MRE11: variants seen among roughly 807,000 people sequenced by gnomAD.
The protein encoded by MRE11 is double-strand break repair protein MRE11.
In MRE11, 62 loss-of-function variants were observed where a neutral mutation model predicts 91.7. The ratio of observed to expected loss-of-function variants is 0.68; its 90% CI spans 0.55 to 0.84. The LOEUF is 0.84. Ranked by LOEUF, MRE11 falls within the 40% of genes least tolerant of loss-of-function variation. The pLI, the probability that MRE11 is intolerant of heterozygous loss-of-function variation, is 0.00. For synonymous variants in MRE11, 273 were observed against 271.4 expected (o/e 1.01, Z -0.06); for missense variants, 796 against 852.9 (o/e 0.93, Z 0.83).
chr11:94,460,010 C>T (rs1946373897), intron 12 of MRE11, among the ~76,000 whole-genome samples: 1 of 152,028 alleles, frequency 6.6e-6, no homozygotes, highest in African/African-American at 2.4e-5. Flanking sequence ...CATAAGGGTC[C>T]TGAAAAGCAC....
rs1946361403 is a variant in MRE11, at chr11:94,459,571, A to G, written c.1337T>C (p.Leu446Pro). ...YFQTAEKNVQ[L>P]SLLTERGMGE... ...CATCCCTCTTTCTGTTAGCAGTGAG[A>G]GCTGCACATTCTGTAAGATACAAAT... Residue 446 changes from leucine (L) to proline (P), a missense_variant, in exon 13 of 20, where the codon CTC becomes CCC. Physicochemically the swap from Leu to Pro is moderately conservative, Grantham distance 98. Coordinates refer to ENST00000323929, the MANE Select transcript of MRE11 (RefSeq NM_005591.4). 1 of 1,613,896 alleles carries G rather than the reference A, an allele frequency of 6.2e-7. No homozygotes were observed. The highest frequency in any genetic ancestry group is 2.2e-5 in the East Asian group (1 of 44,864).
chr11:94,492,064 G>A lies in MRE11; in HGVS notation c.20+718C>T, dbSNP rs2135145894. Among the ~76,000 whole-genome samples the A allele has an allele frequency of 1.3e-5, 2 of 152,244 alleles. 1 individual carries two copies. The highest frequency in any genetic ancestry group is 4.1e-4 in the South Asian group (2 of 4,820). Reference sequence around the variant, plus strand: ...TCAGAGAACTGCTGACTTGCCCAAGGTCACACAGCTAGTAGGGTCCAAGGA... The same window carrying A: ...TCAGAGAACTGCTGACTTGCCCAAGATCACACAGCTAGTAGGGTCCAAGGA... On this transcript the variant is annotated intron_variant, in intron 2 of 19. Coordinates refer to ENST00000323929, the MANE Select transcript of MRE11 (RefSeq NM_005591.4).
chr11:94,498,727 T>C (rs895355951), upstream of MRE11: 3 of 585,314 alleles, frequency 5.1e-6, no homozygotes, highest in Non-Finnish European at 8.9e-6. Context: ...CTTTAATTAT[T>C]TCTGTGGAGT....
At chr11:94,508,252 A>G in the MRE11 span, among the ~76,000 whole-genome samples, 15 of 152,170 alleles carry the variant, frequency 9.9e-5, no homozygotes, top group African/African-American at 3.6e-4. Context: ...TGGCCTGAGA[A>G]TATCTTAATT....
intron 19 of MRE11, among the ~76,000 whole-genome samples, chr11:94,429,639 G>A (rs1945409820): frequency 6.6e-6 from 1 of 152,164 alleles, no homozygotes; most frequent in Admixed American, 6.5e-5. Context: ...ATGAAGATGG[G>A]AACAACAGAC....
rs774205506 is a variant in MRE11 at position 94,420,113 on chromosome 11, C to A, written c.*12G>T. On this transcript the variant is annotated 3_prime_UTR_variant, in exon 20 of 20. Transcript: ENST00000323929. ...CCTGTATCTTGCATGTTTCTCAGTG[C>A]CATTAAATATATTATCTTCTATTTC... 1 of 1,547,680 alleles carries A rather than the reference C, an allele frequency of 6.5e-7. No individual in the cohort carries two copies. Among genetic ancestry groups the A allele is most frequent in the Non-Finnish European group, 8.9e-7 (1 of 1,124,494 alleles).
chr11:94,452,180 G>A (rs1453332398), intron 14 of MRE11, among the ~76,000 whole-genome samples: 2 of 138,010 alleles, frequency 1.4e-5, no homozygotes, highest in African/African-American at 2.7e-5. Flanking sequence ...CTGGGTGACA[G>A]AGTGAGACTT....
chr11:94,493,479 C>A (rs1947348856), intron 1 of MRE11: 1 of 152,282 alleles, frequency 6.6e-6, no homozygotes. Flanking sequence ...CGCGAGACAA[C>A]CCCCACCACA....
rs1214572903 is a variant in MRE11, at chr11:94,417,636, AAGG to A, written c.*2486_*2488del. ...CAGAAGTTAGGGCTTGTTACCCAGA[AAGG>A]AGAAAACAATATAATGGGCATCCAG... On this transcript the variant is annotated 3_prime_UTR_variant, in exon 20 of 20. Coordinates refer to ENST00000323929, the MANE Select transcript of MRE11 (RefSeq NM_005591.4). 8.6e-6 allele frequency: 2 copies of A among 232,968 alleles called. No individual in the cohort carries two copies. Among genetic ancestry groups the A allele is most frequent in the African/African-American group, 4.4e-5 (2 of 45,354 alleles). 14.4% of individuals were successfully genotyped at this position (232,968 alleles called of 1,614,324 possible). A position where few individuals can be genotyped will look rare whatever the true frequency, so the allele number is the denominator to read the frequency against.
intron 18 of MRE11, among the ~76,000 whole-genome samples, chr11:94,432,329 C>T (rs535772263): frequency 6.6e-6 from 1 of 152,306 alleles, no homozygotes; most frequent in South Asian, 2.1e-4. Context: ...TATACTCTCC[C>T]GGATTTTTCT....
At chr11:94,498,274 CAG>C (rs1565246908), upstream of MRE11, 1 of 1,614,148 alleles carries the variant, frequency 6.2e-7, no homozygotes, top group Non-Finnish European at 8.5e-7. Context: ...GGAATAATAC[CAG>C]AGTGGCTTCT....
At chr11:94,497,890 T>G (rs1271584763), upstream of MRE11, 2 of 566,194 alleles carry the variant, frequency 3.5e-6, no homozygotes, top group East Asian at 5.8e-5. Context: ...AACTTGTTCA[T>G]TCTTAAATCA....
chr11:94,418,397 G>T lies in MRE11; in HGVS notation c.*1728C>A. ...CCAAGAGCAATTTTTTTTTTTTTAA[G>T]GAAAAAAACTTTATTCCTTTTTTCC... On this transcript the variant is annotated 3_prime_UTR_variant, in exon 20 of 20. Transcript: ENST00000323929. 1 of 228,908 alleles carries T rather than the reference G, an allele frequency of 4.4e-6. No homozygotes were observed. The highest frequency in any genetic ancestry group is 8.6e-6 in the Non-Finnish European group (1 of 116,018). 14.2% of individuals were successfully genotyped at this position (228,908 alleles called of 1,614,324 possible).
intron 2 of MRE11, among the ~76,000 whole-genome samples, chr11:94,491,621 G>C (rs1947285744): frequency 6.6e-6 from 1 of 152,032 alleles, no homozygotes; most frequent in Non-Finnish European, 1.5e-5. Context: ...CACAGATAAA[G>C]AGTCAGGCAT....
In MRE11 at chr11:94,486,057, G is replaced by C. The variant is rs786203268; in HGVS notation, c.181C>G (p.Leu61Val). Residue 61 changes from leucine to valine, a missense_variant, in exon 4 of 20, where the codon CTT becomes GTT. Leu to Val is a conservative substitution (Grantham distance 32). Coordinates refer to ENST00000323929, the MANE Select transcript of MRE11 (RefSeq NM_005591.4). ...CTTGAGGGCTTATTTTCATGAAAAA[G>C]ATCACCACCTAACAAAATAAAATCC... ...EVDFILLGGD[L>V]FHENKPSRKT... 3 of 1,613,512 alleles carry C rather than the reference G, an allele frequency of 1.9e-6. No homozygotes were observed. Among genetic ancestry groups the C allele is most frequent in the Non-Finnish European group, 2.5e-6 (3 of 1,179,806 alleles).
chr11:94,450,563 G>A (rs1027787414), intron 14 of MRE11, among the ~76,000 whole-genome samples: 1 of 151,998 alleles, frequency 6.6e-6, no homozygotes, highest in Non-Finnish European at 1.5e-5. Context: ...TAATCATCAT[G>A]CAATAAAATA....
chr11:94,498,677 C>A, upstream of MRE11: 1 of 688,536 alleles, frequency 1.5e-6, no homozygotes, highest in Non-Finnish European at 2.4e-6. Context: ...AATTGCCTGA[C>A]TTTGATGTCA....
At chr11:94,437,340 T>C in intron 16 of MRE11, 105 bp from the exon 17 acceptor site, 4 of 935,342 alleles carry the variant, frequency 4.3e-6, no homozygotes, top group Non-Finnish European at 6.6e-6. Context: ...TCTGCAAAAC[T>C]GAATGATGCC....
chr11:94,466,631 TGGGCCA>T, intron 10 of MRE11: 2 of 373,186 alleles, frequency 5.4e-6, no homozygotes. Flanking sequence ...AACTAGTGGT[TGGGCCA>T]GAATGAAGCT....
Sources: allele counts gnomAD v4.1 joint callset (sites outside exome capture counted in the v4.1 genomes callset), GRCh38; gene constraint gnomAD v4.1.1; transcripts MANE v1.5; gene names NCBI Gene and HGNC (gene_info 2026-07-23, HGNC 2026-07-21).